Variants in STAB2 observed in about 807,000 individuals in gnomAD.
STAB2 encodes stabilin 2.
A neutral mutation model predicts 338.1 loss-of-function variants in STAB2; 288 were observed. The ratio of observed to expected loss-of-function variants is 0.85; its 90% CI spans 0.77 to 0.94. STAB2 has a LOEUF of 0.94. Among genes scored for constraint, STAB2 ranks in the 40% least tolerant of loss-of-function variants. The pLI is 0.00. For missense variants in STAB2, 3,141 were observed against 3,210.1 expected (o/e 0.98, Z 0.52); for synonymous variants, 1,202 against 1,193.3 (o/e 1.01, Z -0.15).
intron 1 of STAB2, among the ~76,000 whole-genome samples, chr12:103,590,404 G>A (rs1226709799): frequency 1.3e-5 from 2 of 152,190 alleles, no homozygotes; most frequent in Non-Finnish European, 2.9e-5. Flanking sequence ...CTCTGAAATA[G>A]TAACTGTATC....
rs147189765 is a variant in STAB2 at position 103,735,437 on chromosome 12, G to A, written c.5461-54G>A. The A allele has an allele frequency of 2.8e-4, 387 of 1,395,270 alleles. No homozygotes were observed. In the African/African-American group the frequency reaches 4.2e-3, roughly 15 times the overall value. 86.4% of individuals were successfully genotyped at this position (1,395,270 alleles called of 1,614,324 possible). On this transcript the variant is annotated intron_variant, in intron 51 of 68. Transcript: ENST00000388887. The stretch of plus-strand genomic sequence containing the variant: ...TTTTTTGGTAAAGCTCCTTCGGGCC[G>A]TCCCTTCTTCGGCCCAAATTTGGGG...
chr12:103,636,997 A>T, intron 6 of STAB2, 114 bp from the exon 7 acceptor site: 1 of 1,200,700 alleles, frequency 8.3e-7, no homozygotes, highest in Non-Finnish European at 1.1e-6. Flanking sequence ...TGTATTTTTT[A>T]AATTATTACA....
At chr12:103,679,072 G>A (rs1290925078) in intron 25 of STAB2, among the ~76,000 whole-genome samples, 2 of 152,068 alleles carry the variant, frequency 1.3e-5, no homozygotes, top group Non-Finnish European at 2.9e-5. Flanking sequence ...CCCCCACAGG[G>A]GGTTAAAAGG....
At chr12:103,601,678 C>T (rs1216864196) in intron 3 of STAB2, among the ~76,000 whole-genome samples, 2 of 152,134 alleles carry the variant, frequency 1.3e-5, no homozygotes, top group Non-Finnish European at 1.5e-5. Flanking sequence ...GCTATTTGAA[C>T]CTGAAGAAAT....
At chr12:103,620,598 A>G (rs1414614966) in intron 4 of STAB2, 45 bp downstream of exon 4, 2 of 1,488,352 alleles carry the variant, frequency 1.3e-6, no homozygotes, top group Admixed American at 4.0e-5. Flanking sequence ...TCTGCTCCCC[A>G]TCTTCTTACC....
At chr12:103,688,080 C>T in intron 27 of STAB2, 88 bp from the exon 28 acceptor site, 1 of 1,331,768 alleles carries the variant, frequency 7.5e-7, no homozygotes, top group Admixed American at 1.7e-5. Context: ...GCAGGTGACC[C>T]AGAGATGCAC....
At chr12:103,707,501 C>G (rs1879469217) in intron 38 of STAB2, among the ~76,000 whole-genome samples, 1 of 152,224 alleles carries the variant, frequency 6.6e-6, no homozygotes, top group South Asian at 2.1e-4. Flanking sequence ...GACTCCAAAG[C>G]TTGCTTTTAG....
chr12:103,618,491 C>T (rs1345072563), intron 3 of STAB2, among the ~76,000 whole-genome samples: 1 of 152,190 alleles, frequency 6.6e-6, no homozygotes, highest in Non-Finnish European at 1.5e-5. Context: ...AAGACAACTG[C>T]ATTTTTATTT....
At chr12:103,696,580 A>G (rs1406834286) in intron 33 of STAB2, among the ~76,000 whole-genome samples, 1 of 152,242 alleles carries the variant, frequency 6.6e-6, no homozygotes, top group Non-Finnish European at 1.5e-5. Flanking sequence ...AGATCGTGGC[A>G]TGATTGAAGC....
chr12:103,728,412 G>C (rs570730400), intron 47 of STAB2, among the ~76,000 whole-genome samples: 1 of 152,306 alleles, frequency 6.6e-6, no homozygotes, highest in Non-Finnish European at 1.5e-5. Context: ...ACCCAGCCTT[G>C]TTTGTATTTT....
At chr12:103,655,673 A>G in intron 15 of STAB2, 92 bp downstream of exon 15, 1 of 1,518,988 alleles carries the variant, frequency 6.6e-7, no homozygotes, top group African/African-American at 1.4e-5. Context: ...GAGATAGTAA[A>G]TAAGTTGTAC....
chr12:103,679,112 A>G (rs1303005283), intron 25 of STAB2, among the ~76,000 whole-genome samples: 1 of 151,822 alleles, frequency 6.6e-6, no homozygotes, highest in Non-Finnish European at 1.5e-5. Flanking sequence ...ACTGTGGCTT[A>G]CACCTGTAAT....
intron 48 of STAB2, 25 bp from the exon 49 acceptor site, chr12:103,730,091 C>CT (rs763530369): frequency 1.3e-6 from 2 of 1,558,154 alleles, no homozygotes; most frequent in Admixed American, 4.0e-5. Context: ...GCACTCATTT[C>CT]TTTTTTGTTT....
chr12:103,587,734 A>G (rs1956733681), intron 1 of STAB2, among the ~76,000 whole-genome samples, 177 bp downstream of exon 1: 1 of 152,232 alleles, frequency 6.6e-6, no homozygotes, highest in African/African-American at 2.4e-5. Flanking sequence ...AGGTGTGCTA[A>G]CCCACTTGTT....
At chr12:103,744,786 TA>T (rs1882881683) in intron 56 of STAB2, among the ~76,000 whole-genome samples, 1 of 152,174 alleles carries the variant, frequency 6.6e-6, no homozygotes. Flanking sequence ...ATTTTACTTT[TA>T]AATAGATTTC....
At chr12:103,642,351 C>G (rs537626221) in intron 9 of STAB2, among the ~76,000 whole-genome samples, 1 of 152,308 alleles carries the variant, frequency 6.6e-6, no homozygotes, top group African/African-American at 2.4e-5. Context: ...CAGGACACGG[C>G]TGAGTGGGCC....
chr12:103,608,072 C>T (rs1359610518), intron 3 of STAB2, among the ~76,000 whole-genome samples: 8 of 152,112 alleles, frequency 5.3e-5, no homozygotes, highest in Admixed American at 1.3e-4. Context: ...TTTTAATGAT[C>T]GCCATTCTAA....
At position 103,759,219 on chromosome 12, in the gene STAB2, A is replaced by G. The variant is rs759974020; in HGVS notation, c.7194A>G (p.Gln2398=). 2 of 1,614,170 alleles carry G rather than the reference A, an allele frequency of 1.2e-6. No homozygotes were observed. Among genetic ancestry groups the G allele is most frequent in the Admixed American group, 3.3e-5 (2 of 60,018 alleles). ...YNDLVNGTTL[Q]TRLGSKLLIT... ...ACCTTGTCAATGGCACCACCCTGCA[A>G]ACGAGGCTGGGAAGCAAGCTGCTCA... is the stretch of plus-strand genomic sequence containing the variant. Residue 2398 remains glutamine, a synonymous_variant, in exon 65 of 69, where the codon CAA becomes CAG. Coordinates refer to ENST00000388887, the MANE Select transcript of STAB2 (RefSeq NM_017564.10).
chr12:103,750,238 C>T (rs565134956), intron 59 of STAB2, among the ~76,000 whole-genome samples: 2 of 152,186 alleles, frequency 1.3e-5, no homozygotes, highest in Admixed American at 1.3e-4. Context: ...ATGCACTGTA[C>T]AGAAACAAAT....
Sources: gnomAD v4.1 joint callset for allele counts (sites outside exome capture counted in the v4.1 genomes callset) on GRCh38, gnomAD v4.1.1 for gene constraint, MANE v1.5 for transcripts, NCBI Gene and HGNC (gene_info 2026-07-23, HGNC 2026-07-21) for gene names.